The following LRRC37A2 variants were observed in gnomAD, a reference collection of about 807,000 sequenced individuals.
LRRC37A2 encodes the protein leucine-rich repeat-containing protein 37A2.
Under a neutral mutation model 68.8 loss-of-function variants are expected in LRRC37A2, and 9 were observed. The ratio of observed to expected loss-of-function variants is 0.13; its 90% CI spans 0.08 to 0.23. LRRC37A2 has a LOEUF of 0.23. Ranked by LOEUF, LRRC37A2 falls within the 10% of genes least tolerant of loss-of-function variation. The pLI is 1.00. For missense variants in LRRC37A2, 168 were observed against 950.4 expected, an observed-to-expected ratio of 0.18 and a Z score of 10.82; for synonymous variants, 63 against 367.6, an observed-to-expected ratio of 0.17 and a Z score of 9.48.
the LRRC37A2 span, chr17:46,923,381 C>T: frequency 6.8e-7 from 1 of 1,467,066 alleles, no homozygotes; most frequent in South Asian, 1.4e-5. Context: ...CTTGGCGGGA[C>T]TCCCAGGTCA....
chr17:47,024,163 C>T, the LRRC37A2 span, among the ~76,000 whole-genome samples: 1 of 152,162 alleles, frequency 6.6e-6, no homozygotes, highest in African/African-American at 2.4e-5. Context: ...TGAGACCAGT[C>T]TGGGAACAGA....
chr17:46,710,183 T>C, the LRRC37A2 span, among the ~76,000 whole-genome samples: 1 of 152,202 alleles, frequency 6.6e-6, no homozygotes, highest in South Asian at 2.1e-4. Context: ...GATCTTTACA[T>C]GTAGTAGGTT....
chr17:46,863,540 A>T, the LRRC37A2 span, among the ~76,000 whole-genome samples: 2 of 152,126 alleles, frequency 1.3e-5, no homozygotes, highest in African/African-American at 4.8e-5. Context: ...GGATGGTTAG[A>T]GGGGGATGGG....
chr17:46,870,050 T>C, the LRRC37A2 span, among the ~76,000 whole-genome samples: 1 of 152,212 alleles, frequency 6.6e-6, no homozygotes, highest in African/African-American at 2.4e-5. Flanking sequence ...ACTGTAGCTA[T>C]AATGATATAA....
chr17:46,610,047 CTT>C, the LRRC37A2 span, among the ~76,000 whole-genome samples: 11 of 132,400 alleles, frequency 8.3e-5, no homozygotes, highest in East Asian at 6.0e-4. Flanking sequence ...CTCTCTCTTT[CTT>C]TCTTTCTTTC....
chr17:46,392,509 T>TTC, the LRRC37A2 span, among the ~76,000 whole-genome samples: 350 of 42,340 alleles, frequency 8.3e-3, 6 homozygotes, highest in African/African-American at 0.026. Flanking sequence ...TTTTCTCTCT[T>TTC]TCTCTCTCTC....
chr17:46,779,103 A>ACACACACACC, the LRRC37A2 span, among the ~76,000 whole-genome samples: 98 of 133,622 alleles, frequency 7.3e-4, 3 homozygotes, highest in East Asian at 0.011. Flanking sequence ...ACACACACAC[A>ACACACACACC]CCCCAGCCCA....
the LRRC37A2 span, among the ~76,000 whole-genome samples, chr17:46,671,968 T>C: frequency 8.5e-5 from 12 of 141,912 alleles, no homozygotes; most frequent in Admixed American, 8.7e-4. Flanking sequence ...AATAATTTTT[T>C]AAAATCCTTC....
At chr17:46,811,786 T>C in the LRRC37A2 span, among the ~76,000 whole-genome samples, 5 of 151,924 alleles carry the variant, frequency 3.3e-5, no homozygotes, top group Non-Finnish European at 7.4e-5. Context: ...GAAACCCCCA[T>C]CTCTACTAAA....
chr17:47,016,184 T>C, the LRRC37A2 span, among the ~76,000 whole-genome samples: 1 of 151,822 alleles, frequency 6.6e-6, no homozygotes, highest in East Asian at 1.9e-4. Flanking sequence ...ACCTCAGTGA[T>C]CCCCCCACCT....
the LRRC37A2 span, among the ~76,000 whole-genome samples, chr17:46,971,765 G>A: frequency 2.0e-5 from 3 of 152,196 alleles, no homozygotes; most frequent in African/African-American, 4.8e-5. Flanking sequence ...TGTCTCTCAC[G>A]CCTCAAGCTC....
the LRRC37A2 span, among the ~76,000 whole-genome samples, chr17:46,995,750 A>G: frequency 6.6e-6 from 1 of 152,220 alleles, no homozygotes. Context: ...AGAGAAACTG[A>G]GCTTCAAACT....
chr17:47,017,041 G>A, the LRRC37A2 span, among the ~76,000 whole-genome samples: 4 of 132,614 alleles, frequency 3.0e-5, 1 homozygote, highest in African/African-American at 5.4e-5. Flanking sequence ...GGGGTGTTCC[G>A]GCAGGGCAGG....
the LRRC37A2 span, among the ~76,000 whole-genome samples, chr17:46,782,130 C>T: frequency 5.3e-5 from 8 of 152,236 alleles, no homozygotes; most frequent in Non-Finnish European, 2.9e-5. Flanking sequence ...AGGGCCAAGT[C>T]TCCCCAAGTC....
chr17:46,816,178 AAC>A, the LRRC37A2 span, among the ~76,000 whole-genome samples: 1 of 125,478 alleles, frequency 8.0e-6, no homozygotes, highest in Non-Finnish European at 1.7e-5. Context: ...CCCAGTCATG[AAC>A]ACAGTCAAGC....
the LRRC37A2 span, among the ~76,000 whole-genome samples, chr17:46,707,993 A>T: frequency 6.6e-6 from 1 of 150,802 alleles, no homozygotes; most frequent in East Asian, 2.0e-4. Flanking sequence ...AGATTGTGCC[A>T]CTGCACGCCA....
chr17:46,714,813 A>C, the LRRC37A2 span, among the ~76,000 whole-genome samples: 1 of 152,134 alleles, frequency 6.6e-6, no homozygotes, highest in African/African-American at 2.4e-5. Flanking sequence ...GATCTTTTAT[A>C]GATATGAACT....
chr17:46,390,042 T>A, the LRRC37A2 span, among the ~76,000 whole-genome samples: 1 of 150,984 alleles, frequency 6.6e-6, no homozygotes. Flanking sequence ...TTCTCACGGT[T>A]CTGGAAGCTG....
the LRRC37A2 span, among the ~76,000 whole-genome samples, chr17:46,925,325 C>G: frequency 1.3e-5 from 2 of 152,222 alleles, no homozygotes; most frequent in African/African-American, 4.8e-5. Flanking sequence ...AGGCCCTCTG[C>G]TACCCCGACA....
Sources: allele counts gnomAD v4.1 joint callset (sites outside exome capture counted in the v4.1 genomes callset), GRCh38; gene constraint gnomAD v4.1.1; transcripts MANE v1.5; gene names NCBI Gene and HGNC (gene_info 2026-07-23, HGNC 2026-07-21).